BTG4: variants seen among roughly 807,000 people sequenced by gnomAD.
BTG4 encodes the protein BTG anti-proliferation factor 4.
A neutral mutation model predicts 19.3 loss-of-function variants in BTG4; 10 were observed. That is an observed-to-expected ratio of 0.52 (90% confidence interval 0.32 to 0.88). BTG4 has a LOEUF of 0.88. BTG4 is among the 40% of genes least tolerant of loss of function. The probability of loss-of-function intolerance (pLI) is 0.04; values close to 1 mark genes in which losing one functional copy is unlikely to be tolerated. For missense variants in BTG4, 238 were observed against 281.9 expected (o/e 0.84, Z 1.11); for synonymous variants, 91 against 95.7 (o/e 0.95, Z 0.29).
chr11:111,483,292 G>A (rs554939208), intron 5 of BTG4, among the ~76,000 whole-genome samples: 1 of 152,204 alleles, frequency 6.6e-6, no homozygotes, highest in African/African-American at 2.4e-5. Flanking sequence ...TACAAAGATT[G>A]GAATACTTAA....
the BTG4 span, among the ~76,000 whole-genome samples, chr11:111,418,590 A>C: frequency 6.6e-6 from 1 of 152,210 alleles, no homozygotes; most frequent in Non-Finnish European, 1.5e-5. Context: ...GAGATTCTGC[A>C]GCGCCTATCA....
chr11:111,384,837 T>C, the BTG4 span: 1 of 152,122 alleles, frequency 6.6e-6, no homozygotes, highest in Admixed American at 6.5e-5. Flanking sequence ...TAAAATAACA[T>C]GATTACACAA....
the BTG4 span, chr11:111,417,730 G>C: frequency 2.6e-5 from 4 of 152,128 alleles, no homozygotes; most frequent in Non-Finnish European, 5.9e-5. Flanking sequence ...GATCAGTTTG[G>C]GTGTTCTCCA....
At chr11:111,475,294 C>T (rs1427288342) in intron 5 of BTG4, 7 of 152,074 alleles carry the variant, frequency 4.6e-5, no homozygotes, top group Admixed American at 3.9e-4. Context: ...TTGAGGACCC[C>T]TGCTCACTGT....
At chr11:111,493,741 C>T (rs1865556168), downstream of BTG4, among the ~76,000 whole-genome samples, 1 of 152,132 alleles carries the variant, frequency 6.6e-6, no homozygotes, top group Non-Finnish European at 1.5e-5. Flanking sequence ...AGAAACTTGA[C>T]CTCATATGCC....
chr11:111,397,684 T>C, the BTG4 span: 1 of 152,286 alleles, frequency 6.6e-6, no homozygotes, highest in Non-Finnish European at 1.5e-5. Flanking sequence ...ATCTTCTCGC[T>C]GATTTGTTTT....
At chr11:111,399,273 C>G in the BTG4 span, 1 of 152,226 alleles carries the variant, frequency 6.6e-6, no homozygotes, top group Non-Finnish European at 1.5e-5. Context: ...AAAAATCCAG[C>G]CAGTCAGATA....
intron 1 of BTG4, among the ~76,000 whole-genome samples, chr11:111,501,895 T>G (rs921088635): frequency 6.6e-6 from 1 of 152,270 alleles, no homozygotes; most frequent in Non-Finnish European, 1.5e-5. Context: ...TAAGATTAAT[T>G]TAATTCAATT....
At chr11:111,455,717 C>T in the BTG4 span, 25 of 424,300 alleles carry the variant, frequency 5.9e-5, no homozygotes, top group East Asian at 3.7e-4. Flanking sequence ...CAAAACAAAA[C>T]GTCCTTTTCC....
the BTG4 span, among the ~76,000 whole-genome samples, chr11:111,407,097 T>G: frequency 6.6e-6 from 1 of 150,980 alleles, no homozygotes; most frequent in African/African-American, 2.4e-5. Context: ...AAGCATTTAA[T>G]AAAAGTTATT....
the BTG4 span, chr11:111,457,889 C>G: frequency 6.6e-6 from 1 of 152,552 alleles, no homozygotes; most frequent in Middle Eastern, 3.4e-3. Flanking sequence ...TTCGGGGAAC[C>G]TCTTGCTGCC....
At chr11:111,401,249 G>A in the BTG4 span, among the ~76,000 whole-genome samples, 9 of 152,170 alleles carry the variant, frequency 5.9e-5, no homozygotes, top group South Asian at 1.9e-3. Flanking sequence ...CACTTTGGGA[G>A]GCCAAGGCGG....
intron 5 of BTG4, among the ~76,000 whole-genome samples, chr11:111,472,542 A>G (rs1298164649): frequency 6.6e-6 from 1 of 152,128 alleles, no homozygotes; most frequent in African/African-American, 2.4e-5. Flanking sequence ...TCATCCCAAA[A>G]TAGTGCCAAT....
chr11:111,460,503 T>A, the BTG4 span: 1 of 151,784 alleles, frequency 6.6e-6, no homozygotes, highest in African/African-American at 2.4e-5. Flanking sequence ...CCCAAGGAAC[T>A]GGCTGGCCAT....
intron 5 of BTG4, among the ~76,000 whole-genome samples, chr11:111,475,946 T>G (rs1467409190): frequency 6.6e-6 from 1 of 151,948 alleles, no homozygotes. Flanking sequence ...TATAAAACCA[T>G]CAGATCTTGT....
chr11:111,490,719 A>G (rs540977330), downstream of BTG4, among the ~76,000 whole-genome samples: 21 of 152,354 alleles, frequency 1.4e-4, no homozygotes, highest in South Asian at 4.1e-4. Flanking sequence ...AAGATACCCT[A>G]CACACCCATC....
chr11:111,398,038 T>C, the BTG4 span: 1 of 152,224 alleles, frequency 6.6e-6, no homozygotes, highest in Admixed American at 6.5e-5. Flanking sequence ...TTGTAGTCTG[T>C]GGCTTGTGGG....
the BTG4 span, among the ~76,000 whole-genome samples, chr11:111,441,989 G>A: frequency 1.3e-5 from 2 of 152,034 alleles, no homozygotes; most frequent in African/African-American, 2.4e-5. Context: ...AACCCGGGAG[G>A]AGGAGGTTGC....
the BTG4 span, among the ~76,000 whole-genome samples, chr11:111,423,149 A>G: frequency 6.6e-6 from 1 of 152,112 alleles, no homozygotes; most frequent in Non-Finnish European, 1.5e-5. Flanking sequence ...AGGTGCCTAG[A>G]TAGCCCCTCC....
Sources: gnomAD v4.1 joint callset for allele counts (sites outside exome capture counted in the v4.1 genomes callset) on GRCh38, gnomAD v4.1.1 for gene constraint, MANE v1.5 for transcripts, NCBI Gene and HGNC (gene_info 2026-07-23, HGNC 2026-07-21) for gene names.